Variants in TBP observed in about 807,000 individuals in gnomAD.
TBP encodes TATA-box-binding protein.
A neutral mutation model predicts 46.2 loss-of-function variants in TBP; 12 were observed. The observed-to-expected ratio is 0.26, with a 90% CI of 0.17 to 0.42. The LOEUF (loss-of-function observed/expected upper bound fraction) is 0.42, where lower values mean the gene tolerates loss of function less well. Among genes scored for constraint, TBP ranks in the 10% least tolerant of loss-of-function variants. The pLI, the probability that TBP is intolerant of heterozygous loss-of-function variation, is 1.00. For missense variants in TBP, 229 were observed against 403.1 expected (o/e 0.57, Z 3.70); for synonymous variants, 157 against 148.3 (o/e 1.06, Z -0.42).
chr6:170,572,301 CTTT>C lies in TBP; in HGVS notation c.*47_*49del, dbSNP rs75648303. ...GTACCCTTGCCTCCCCCACCCCCTTCTTTTTTTTTTTTTAAACAAATCAGTTTG... is the reference window on the plus strand; with the variant it reads ...GTACCCTTGCCTCCCCCACCCCCTTCTTTTTTTTTTAAACAAATCAGTTTG... On this transcript the variant is annotated 3_prime_UTR_variant, in exon 8 of 8. Transcript: ENST00000392092. 34 of 1,209,786 alleles carry C rather than the reference CTTT, an allele frequency of 2.8e-5. No homozygotes were observed. Among genetic ancestry groups the C allele is most frequent in the Non-Finnish European group, 3.2e-5 (28 of 866,786 alleles). The allele number at this position is 1,209,786 out of a possible 1,614,324, so 74.9% of individuals were successfully genotyped here. A position where few individuals can be genotyped will look rare whatever the true frequency, so the allele number is the denominator to read the frequency against.
chr6:170,561,952 A>AGCAG lies in TBP; in HGVS notation c.216_217insGCAG (p.Gln73AlafsTer106), dbSNP rs1562359486. The AGCAG allele has an allele frequency of 5.7e-5, 12 of 210,704 alleles. No individual in the cohort carries two copies. The highest frequency in any genetic ancestry group is 2.7e-4 in the Admixed American group (2 of 7,434). The allele number at this position is 210,704 out of a possible 1,614,324, so 13.1% of individuals were successfully genotyped here. The stretch of plus-strand genomic sequence containing the variant: ...AGCAGCAGCAGCAGCAGCAGCAGCA[A>AGCAG]CAGCAACAGCAGCAGCAGCAGCAGC... On this transcript the variant is annotated frameshift_variant, in exon 3 of 8. Coordinates refer to ENST00000392092, the MANE Select transcript of TBP (RefSeq NM_003194.5). LOFTEE classifies it high-confidence loss of function.
At chr6:170,568,493 C>G (rs139491247) in intron 5 of TBP, among the ~76,000 whole-genome samples, 1 of 152,062 alleles carries the variant, frequency 6.6e-6, no homozygotes, top group African/African-American at 2.4e-5. Context: ...TCTCGCTCTG[C>G]GCCCAGGCTG....
chr6:170,564,872 A>T (rs1779215554), intron 4 of TBP, among the ~76,000 whole-genome samples: 1 of 151,368 alleles, frequency 6.6e-6, no homozygotes, highest in African/African-American at 2.4e-5. Context: ...AAAAAAAAAA[A>T]TTGGCCGGGC....
chr6:170,564,184 T>C (rs1262672281), intron 3 of TBP, among the ~76,000 whole-genome samples: 2 of 152,174 alleles, frequency 1.3e-5, no homozygotes, highest in Non-Finnish European at 2.9e-5. Context: ...CAGATGAGAA[T>C]TGAGTTTGTC....
intron 5 of TBP, among the ~76,000 whole-genome samples, chr6:170,568,546 C>A (rs1349661765): frequency 1.3e-5 from 2 of 152,076 alleles, no homozygotes; most frequent in Admixed American, 1.3e-4. Context: ...GCTCCGCCTC[C>A]TGGGTTCACG....
At position 170,556,871 on chromosome 6, in the gene TBP, T is replaced by C. The variant is rs1779040790; in HGVS notation, c.-148-11T>C. 2.8e-6 allele frequency: 2 copies of C among 712,680 alleles called. No individual in the cohort carries two copies. Among genetic ancestry groups the C allele is most frequent in the Non-Finnish European group, 4.9e-6 (2 of 412,208 alleles). The allele number at this position is 712,680 out of a possible 1,614,324, so 44.1% of individuals were successfully genotyped here. A position where few individuals can be genotyped will look rare whatever the true frequency, so the allele number is the denominator to read the frequency against. On this transcript the variant is annotated splice_polypyrimidine_tract_variant and intron_variant, in intron 1 of 7. Coordinates refer to ENST00000392092, the MANE Select transcript of TBP (RefSeq NM_003194.5). ...TCCTTAAATTAAACTTTAGACTTTT[T>C]TCCAAAGCAGCATCACTGTTTCTTG...
At position 170,569,692 on chromosome 6, in the gene TBP, T is replaced by TC; in HGVS notation, c.759dup (p.Lys254GlnfsTer10). The TC allele has an allele frequency of 1.2e-6, 2 of 1,614,176 alleles. No homozygotes were observed. The highest frequency in any genetic ancestry group is 1.7e-6 in the Non-Finnish European group (2 of 1,180,006). On this transcript the variant is annotated frameshift_variant, in exon 6 of 8. Transcript: ENST00000392092. LOFTEE classifies it high-confidence loss of function. ...GGTTTTCCAGCTAAGTTCTTGGACT[T>TC]CAAGATTCAGAATATGGTGGGGAGC...
At chr6:170,564,076 A>G (rs1235655411) in intron 3 of TBP, among the ~76,000 whole-genome samples, 1 of 152,036 alleles carries the variant, frequency 6.6e-6, no homozygotes, top group Non-Finnish European at 1.5e-5. Context: ...TTTTCAAAAG[A>G]TACTTACTTT....
chr6:170,564,761 C>G (rs904203497), intron 4 of TBP, 129 bp downstream of exon 4: 25 of 448,910 alleles, frequency 5.6e-5, no homozygotes, highest in Non-Finnish European at 9.3e-5. Context: ...TGGCTAATGC[C>G]TGTAATCCCA....
intron 2 of TBP, among the ~76,000 whole-genome samples, chr6:170,561,584 T>G (rs566309984): frequency 6.6e-6 from 1 of 152,346 alleles, no homozygotes; most frequent in Non-Finnish European, 1.5e-5. Flanking sequence ...GTTTATCCAT[T>G]TTTCTTCATG....
At chr6:170,564,135 C>CT (rs1467286643) in intron 3 of TBP, among the ~76,000 whole-genome samples, 1 of 151,934 alleles carries the variant, frequency 6.6e-6, no homozygotes, top group African/African-American at 2.4e-5. Context: ...TAAATAGTTA[C>CT]TTAGGAATAG....
At position 170,572,610 on chromosome 6, in the gene TBP, G is replaced by T; in HGVS notation, c.*345G>T. 4.5e-6 allele frequency: 1 copy of T among 219,786 alleles called. No individual in the cohort carries two copies. Among genetic ancestry groups the T allele is most frequent in the Non-Finnish European group, 8.8e-6 (1 of 113,180 alleles). 13.6% of individuals were successfully genotyped at this position (219,786 alleles called of 1,614,324 possible). A position where few individuals can be genotyped will look rare whatever the true frequency, so the allele number is the denominator to read the frequency against. The stretch of plus-strand genomic sequence containing the variant: ...GTTAAAGCCACCTCTATAATTGATT[G>T]GACTTTTTAATTTTAATGTTTTTCC... On this transcript the variant is annotated 3_prime_UTR_variant, in exon 8 of 8. Transcript: ENST00000392092.
At chr6:170,562,657 A>G (rs140116135) in intron 3 of TBP, among the ~76,000 whole-genome samples, 5 of 152,342 alleles carry the variant, frequency 3.3e-5, no homozygotes, top group Admixed American at 3.3e-4. Flanking sequence ...GGTGCTGCAT[A>G]TAAATCTTTG....
At chr6:170,569,418 C>T (rs760631094) in intron 5 of TBP, among the ~76,000 whole-genome samples, 194 bp from the exon 6 acceptor site, 3 of 152,212 alleles carry the variant, frequency 2.0e-5, no homozygotes, top group Non-Finnish European at 2.9e-5. Context: ...GGCAGGCCTA[C>T]AGTTTTCTGT....
intron 1 of TBP, 130 bp downstream of exon 1, chr6:170,554,593 C>T (rs1395376381): frequency 1.3e-5 from 2 of 152,760 alleles, no homozygotes; most frequent in South Asian, 2.1e-4. Flanking sequence ...TCCTCCCTTT[C>T]GTGCTGCCGC....
chr6:170,562,568 T>C (rs997055203), intron 3 of TBP, among the ~76,000 whole-genome samples: 10 of 152,242 alleles, frequency 6.6e-5, no homozygotes, highest in Non-Finnish European at 1.5e-4. Context: ...AGGTAGTCTC[T>C]TTCCCTTATG....
chr6:170,566,782 A>G lies in TBP; in HGVS notation c.586-136A>G. ...AAATCCTTTACAGATATACAGAAAT[A>G]CAGAACAAATATTTTGATAACTAGA... is the stretch of plus-strand genomic sequence containing the variant. On this transcript the variant is annotated intron_variant, in intron 4 of 7. Coordinates refer to ENST00000392092, the MANE Select transcript of TBP (RefSeq NM_003194.5). 4 of 605,474 alleles carry G rather than the reference A, an allele frequency of 6.6e-6. No individual in the cohort carries two copies. The South Asian group carries it at 8.8e-5, about 13-fold the overall frequency. 37.5% of individuals were successfully genotyped at this position (605,474 alleles called of 1,614,324 possible).
intron 2 of TBP, among the ~76,000 whole-genome samples, chr6:170,560,661 G>T (rs1219942936): frequency 6.6e-6 from 1 of 152,192 alleles, no homozygotes; most frequent in African/African-American, 2.4e-5. Flanking sequence ...TCCAACCCTC[G>T]TGGATGACTT....
At chr6:170,563,890 C>T (rs954108716) in intron 3 of TBP, among the ~76,000 whole-genome samples, 1 of 152,024 alleles carries the variant, frequency 6.6e-6, no homozygotes, top group African/African-American at 2.4e-5. Flanking sequence ...AATAGAGTTG[C>T]TTTTTAGTAT....
Sources: gnomAD v4.1 joint callset for allele counts (sites outside exome capture counted in the v4.1 genomes callset) on GRCh38, gnomAD v4.1.1 for gene constraint, MANE v1.5 for transcripts, NCBI Gene and HGNC (gene_info 2026-07-23, HGNC 2026-07-21) for gene names.